Variants in VWF observed in about 807,000 individuals in gnomAD.
VWF encodes the protein von Willebrand factor.
A neutral mutation model predicts 308.6 loss-of-function variants in VWF; 176 were observed. The observed-to-expected ratio is 0.57, with a 90% CI of 0.50 to 0.65. The LOEUF (loss-of-function observed/expected upper bound fraction) is 0.65, where lower values mean the gene tolerates loss of function less well. Ranked by LOEUF, VWF falls within the 30% of genes least tolerant of loss-of-function variation. The pLI is 0.00. For missense variants in VWF, 3,146 were observed against 3,648.2 expected, an observed-to-expected ratio of 0.86 and a Z score of 3.55; for synonymous variants, 1,385 against 1,443.4, an observed-to-expected ratio of 0.96 and a Z score of 0.92.
In VWF at chr12:6,080,795, G is replaced by C. The variant is rs1432569693; in HGVS notation, c.658-5244C>G. Among the ~76,000 whole-genome samples the C allele has an allele frequency of 2.6e-5, 4 of 152,220 alleles. No individual in the cohort carries two copies. The East Asian group carries it at 7.7e-4, about 29-fold the overall frequency. On this transcript the variant is annotated intron_variant, in intron 6 of 51. Transcript: ENST00000261405. The stretch of plus-strand genomic sequence containing the variant: ...TTGAGTAGGTGTCTACTTTCCGCCT[G>C]TTCCCACGCCCTCAGACCCTTCCGC...
chr12:6,008,092 T>A (rs913205365), intron 34 of VWF, among the ~76,000 whole-genome samples: 1 of 152,222 alleles, frequency 6.6e-6, no homozygotes. Context: ...TTTCACTGGA[T>A]AATTCTACCA....
At chr12:6,089,177 G>A (rs1373305911) in intron 6 of VWF, among the ~76,000 whole-genome samples, 1 of 152,218 alleles carries the variant, frequency 6.6e-6, no homozygotes, top group African/African-American at 2.4e-5. Flanking sequence ...GGACTACACA[G>A]GCTGTGAACA....
At chr12:6,116,578 CTT>C (rs1206832288) in intron 3 of VWF, among the ~76,000 whole-genome samples, 1 of 152,184 alleles carries the variant, frequency 6.6e-6, no homozygotes, top group Non-Finnish European at 1.5e-5. Context: ...ATGGCTCTCT[CTT>C]GGCAGGTATG....
intron 47 of VWF, among the ~76,000 whole-genome samples, chr12:5,958,909 G>A (rs1308519603): frequency 1.3e-5 from 2 of 152,032 alleles, no homozygotes; most frequent in African/African-American, 2.4e-5. Flanking sequence ...CTAAGATGAG[G>A]AATGTTACCA....
At chr12:5,996,320 A>G (rs1435194654) in intron 34 of VWF, 98 bp from the exon 35 acceptor site, 4 of 1,118,486 alleles carry the variant, frequency 3.6e-6, no homozygotes, top group East Asian at 5.2e-5. Flanking sequence ...ACACAGATAA[A>G]TACAGTAGAG....
In VWF at chr12:6,036,510, A is replaced by C; in HGVS notation, c.2443-19T>G. 6 of 1,612,346 alleles carry C rather than the reference A, an allele frequency of 3.7e-6. No homozygotes were observed. Among genetic ancestry groups the C allele is most frequent in the Non-Finnish European group, 5.1e-6 (6 of 1,178,468 alleles). ...GCCGGACCTAAGAGAAAAGAATCCA[A>C]AAGTCCTCAGGGCCACAGTGACTGA... On this transcript the variant is annotated intron_variant, in intron 18 of 51. Coordinates refer to ENST00000261405, the MANE Select transcript of VWF (RefSeq NM_000552.5).
At chr12:6,069,472 G>A (rs764596453) in intron 10 of VWF, among the ~76,000 whole-genome samples, 1 of 152,094 alleles carries the variant, frequency 6.6e-6, no homozygotes, top group Non-Finnish European at 1.5e-5. Flanking sequence ...GCAGAGCCAA[G>A]CATATCCCCT....
At chr12:6,107,958 G>C in intron 5 of VWF, among the ~76,000 whole-genome samples, 1 of 151,274 alleles carries the variant, frequency 6.6e-6, no homozygotes, top group African/African-American at 2.4e-5. Context: ...GCACCCAGCC[G>C]AAAGATTCAG....
At chr12:6,048,107 G>A (rs1944466540) in intron 16 of VWF, among the ~76,000 whole-genome samples, 1 of 152,204 alleles carries the variant, frequency 6.6e-6, no homozygotes, top group African/African-American at 2.4e-5. Context: ...AGTCTAGTAT[G>A]AAGTCATACT....
intron 47 of VWF, among the ~76,000 whole-genome samples, chr12:5,955,717 G>A (rs997980162): frequency 6.6e-6 from 1 of 151,980 alleles, no homozygotes; most frequent in African/African-American, 2.4e-5. Flanking sequence ...AGAGTCTAGA[G>A]GAAATGACAG....
At chr12:5,964,196 G>A (rs563761753) in intron 47 of VWF, among the ~76,000 whole-genome samples, 96 of 128,030 alleles carry the variant, frequency 7.5e-4, no homozygotes, top group African/African-American at 1.0e-3. Context: ...CAGCCTGGGC[G>A]ACAGAGAGAG....
chr12:6,000,361 T>G (rs1346405412), intron 34 of VWF, among the ~76,000 whole-genome samples: 1 of 152,196 alleles, frequency 6.6e-6, no homozygotes, highest in African/African-American at 2.4e-5. Flanking sequence ...AAGGCAACAA[T>G]GGAGCAGCAT....
In VWF at chr12:6,049,602, A is replaced by G. The variant is rs191847808; in HGVS notation, c.2187-2785T>C. On this transcript the variant is annotated intron_variant, in intron 16 of 51. Coordinates refer to ENST00000261405, the MANE Select transcript of VWF (RefSeq NM_000552.5). ...TCACTGTAATAAGGAGAGTTCAAGAATCCCTGGGCTCTAGTCACTTGCTGG... is the reference window on the plus strand; with the variant it reads ...TCACTGTAATAAGGAGAGTTCAAGAGTCCCTGGGCTCTAGTCACTTGCTGG... 2.1e-3 allele frequency among the ~76,000 whole-genome samples: 327 copies of G among 152,320 alleles called. 1 individual carries two copies. Among genetic ancestry groups the G allele is most frequent in the African/African-American group, 7.4e-3 (307 of 41,578 alleles).
chr12:5,971,851 C>G, intron 43 of VWF, 142 bp from the exon 44 acceptor site: 1 of 756,286 alleles, frequency 1.3e-6, no homozygotes, highest in East Asian at 2.7e-5. Context: ...TGTCAACCAG[C>G]CTCAGGGCCA....
At chr12:6,042,078 C>T (rs1295783260) in intron 18 of VWF, among the ~76,000 whole-genome samples, 2 of 152,190 alleles carry the variant, frequency 1.3e-5, no homozygotes, top group Admixed American at 6.5e-5. Context: ...TCGGTGTCTA[C>T]GTAACACATG....
intron 34 of VWF, among the ~76,000 whole-genome samples, chr12:6,004,790 G>T (rs1028720764): frequency 6.6e-6 from 1 of 151,618 alleles, no homozygotes; most frequent in African/African-American, 2.4e-5. Flanking sequence ...AGTAGTTAAA[G>T]AACATAATGG....
chr12:6,108,294 T>TA lies in VWF; in HGVS notation c.532+2079dup, dbSNP rs755454409. ...GGGTGACAGAGCAAGACTCTGTCTT[T>TA]AAAAAAAAAAAAAAAGAAAGAAAGA... On this transcript the variant is annotated intron_variant, in intron 5 of 51. Coordinates refer to ENST00000261405, the MANE Select transcript of VWF (RefSeq NM_000552.5). 8.2e-3 allele frequency among the ~76,000 whole-genome samples: 939 copies of TA among 114,486 alleles called. 3 individuals are homozygous for TA. The highest frequency in any genetic ancestry group is 0.01 in the Non-Finnish European group (553 of 54,018). 75.1% of individuals were successfully genotyped at this position (114,486 alleles called of 152,430 possible).
At chr12:5,985,464 G>T in intron 39 of VWF, 99 bp downstream of exon 39, 1 of 1,312,248 alleles carries the variant, frequency 7.6e-7, no homozygotes, top group Non-Finnish European at 1.1e-6. Context: ...AGGTGCCAGT[G>T]TTTGAGTCTG....
chr12:6,008,428 C>T (rs1420705749), intron 34 of VWF, among the ~76,000 whole-genome samples: 1 of 152,154 alleles, frequency 6.6e-6, no homozygotes, highest in Admixed American at 6.5e-5. Flanking sequence ...ATCATACTAT[C>T]ATGTCAACAG....
Sources: allele counts gnomAD v4.1 joint callset (sites outside exome capture counted in the v4.1 genomes callset), GRCh38; gene constraint gnomAD v4.1.1; transcripts MANE v1.5; gene names NCBI Gene and HGNC (gene_info 2026-07-23, HGNC 2026-07-21).